REV3L: variants seen among roughly 807,000 people sequenced by gnomAD.
REV3L encodes DNA polymerase zeta catalytic subunit.
Under a neutral mutation model 299.4 loss-of-function variants are expected in REV3L, and 69 were observed. The ratio of observed to expected loss-of-function variants is 0.23; its 90% CI spans 0.19 to 0.28. REV3L has a LOEUF of 0.28. REV3L is among the 10% of genes least tolerant of loss of function. REV3L has a pLI of 1.00. For synonymous variants in REV3L, 1,238 were observed against 1,271.4 expected (o/e 0.97, Z 0.56); for missense variants, 3,128 against 3,693.8 (o/e 0.85, Z 3.97).
Position 111,376,664 on chromosome 6 carries a change from G to A in REV3L, c.1691C>T (p.Ala564Val). ...AGAAGATGAGGGTTCTAATGTAGCA[G>A]CATCTTTGTGAAAGATGGAGGGTTT... ...SVKPSIFHKD[A>V]ATLEPSSSAK... The change falls in exon 13 of 32, where the codon GCT becomes GTT. Residue 564 changes from alanine to valine, a missense_variant. Around this residue, in one of 9 missense-constraint regions of REV3L, gnomAD observed 2,409 missense variants for 2,611.8 expected, o/e 0.92. Coordinates refer to ENST00000368802, the MANE Select transcript of REV3L (RefSeq NM_001372078.1). 1 of 1,611,272 alleles carries A rather than the reference G, an allele frequency of 6.2e-7. No individual in the cohort carries two copies.
chr6:111,372,666 G>A lies in REV3L; in HGVS notation c.5689C>T (p.His1897Tyr). 6.4e-7 allele frequency: 1 copy of A among 1,574,602 alleles called. No homozygotes were observed. Among genetic ancestry groups the A allele is most frequent in the Non-Finnish European group, 8.6e-7 (1 of 1,162,152 alleles). The change falls in exon 13 of 32, where the codon CAT becomes TAT. Residue 1897 changes from histidine to tyrosine, a missense_variant. By Grantham distance (83) the His-to-Tyr change is moderately conservative. This residue lies in a region of REV3L where 2,409 missense variants were observed against 2,611.8 expected (regional missense o/e 0.92). Coordinates refer to ENST00000368802, the MANE Select transcript of REV3L (RefSeq NM_001372078.1). ...REEIMATLLD[H>Y]DLSETIYQEP... ...TGGTAAATAGTCTCAGACAGGTCATGATCCAACAAAGTTGCCATAATTTCT... is the reference window on the plus strand; with the variant it reads ...TGGTAAATAGTCTCAGACAGGTCATAATCCAACAAAGTTGCCATAATTTCT...
chr6:111,343,744 G>T (rs1776756888), intron 21 of REV3L, among the ~76,000 whole-genome samples, 181 bp downstream of exon 21: 1 of 152,142 alleles, frequency 6.6e-6, no homozygotes, highest in Non-Finnish European at 1.5e-5. Flanking sequence ...TGGCCAGGCT[G>T]GTCTCGAACT....
intron 4 of REV3L, among the ~76,000 whole-genome samples, chr6:111,402,142 A>T (rs1370067107): frequency 1.3e-5 from 2 of 152,034 alleles, no homozygotes; most frequent in Non-Finnish European, 2.9e-5. Flanking sequence ...AATAAAAATA[A>T]TATCCTCTAG....
intron 25 of REV3L, 29 bp from the exon 26 acceptor site, chr6:111,322,707 T>G (rs765366804): frequency 6.6e-7 from 1 of 1,516,910 alleles, no homozygotes; most frequent in Non-Finnish European, 9.2e-7. Context: ...TGGAAATAAT[T>G]TCTTAACATA....
At position 111,392,928 on chromosome 6, in the gene REV3L, C is replaced by T. The variant is rs1231437092; in HGVS notation, c.610G>A (p.Gly204Arg). The part of the protein sequence containing the change: ...ATGSCKNHLS[G>R]NSLADTLFRW... Reference sequence around the variant, plus strand: ...AATAAAGTATCAGCAAGAGAATTTCCTGATAAATGATTCTTGCAGGATCCA... The same window carrying T: ...AATAAAGTATCAGCAAGAGAATTTCTTGATAAATGATTCTTGCAGGATCCA... The change falls in exon 5 of 32, where the codon GGA becomes AGA. Residue 204 changes from glycine (G) to arginine (R), a missense_variant. Gly to Arg is a moderately radical substitution (Grantham distance 125, BLOSUM62 -2). Transcript: ENST00000368802. 6.2e-7 allele frequency: 1 copy of T among 1,612,234 alleles called. No individual in the cohort carries two copies. The highest frequency in any genetic ancestry group is 1.3e-5 in the African/African-American group (1 of 74,830).
In REV3L at chr6:111,375,711, G is replaced by T. The variant is rs748014293; in HGVS notation, c.2644C>A (p.Arg882Ser). 7 of 1,613,708 alleles carry T rather than the reference G, an allele frequency of 4.3e-6. No individual in the cohort carries two copies. The highest frequency in any genetic ancestry group is 4.2e-6 in the Non-Finnish European group (5 of 1,179,822). Reference protein sequence around the residue: ...ALASDLTKTTRGAFENKTPTD... With the variant: ...ALASDLTKTTSGAFENKTPTD... ...GGTGTTTTATTTTCAAAAGCTCCAC[G>T]AGTGGTTTTAGTTAAATCACTAGCC... Residue 882 changes from arginine to serine, a missense_variant, in exon 13 of 32, where the codon CGT becomes AGT. Coordinates refer to ENST00000368802, the MANE Select transcript of REV3L (RefSeq NM_001372078.1).
chr6:111,333,335 A>G lies in REV3L; in HGVS notation c.7713T>C (p.Ala2571=), dbSNP rs752378907. The G allele has an allele frequency of 1.8e-5, 29 of 1,614,174 alleles. No homozygotes were observed. In the Admixed American group the frequency reaches 4.3e-4, roughly 24 times the overall value. Residue 2571 remains alanine (A), a synonymous_variant, in exon 23 of 32, where the codon GCT becomes GCC. Coordinates refer to ENST00000368802, the MANE Select transcript of REV3L (RefSeq NM_001372078.1). ...YRVESMMLRI[A]KPMNYIPVTP... ...TCACAGGAATATAGTTCATTGGTTTAGCAATACGCAACATCATTGATTCCA... is the reference window on the plus strand; with the variant it reads ...TCACAGGAATATAGTTCATTGGTTTGGCAATACGCAACATCATTGATTCCA...
At chr6:111,479,420 A>C (rs2128345499) in intron 1 of REV3L, among the ~76,000 whole-genome samples, 1 of 152,222 alleles carries the variant, frequency 6.6e-6, no homozygotes, top group Non-Finnish European at 1.5e-5. Flanking sequence ...AAGAAACTTT[A>C]AGTGATTCCC....
chr6:111,445,693 A>G lies in REV3L; in HGVS notation c.140-29221T>C, dbSNP rs1038143472. 2.0e-5 allele frequency among the ~76,000 whole-genome samples: 3 copies of G among 152,326 alleles called. No homozygotes were observed. In the East Asian group the frequency reaches 5.8e-4, roughly 29 times the overall value. ...ATACTGCAAGACAGAGATGGAAACA[A>G]AATGCTTAGGGAGCCCCCCTAAAAA... On this transcript the variant is annotated intron_variant, in intron 1 of 31. Coordinates refer to ENST00000368802, the MANE Select transcript of REV3L (RefSeq NM_001372078.1).
chr6:111,347,360 G>A (rs963840558), intron 20 of REV3L, among the ~76,000 whole-genome samples: 1 of 151,716 alleles, frequency 6.6e-6, no homozygotes, highest in Non-Finnish European at 1.5e-5. Flanking sequence ...ATCCTGTGCT[G>A]TATCACTAGA....
intron 1 of REV3L, among the ~76,000 whole-genome samples, chr6:111,418,335 C>G (rs1784979104): frequency 6.6e-6 from 1 of 152,090 alleles, no homozygotes; most frequent in South Asian, 2.1e-4. Context: ...TTACAAGAAA[C>G]AATTACAAAA....
chr6:111,405,626 A>C lies in REV3L; in HGVS notation c.409T>G (p.Cys137Gly). 1.3e-6 allele frequency: 2 copies of C among 1,587,738 alleles called. No individual in the cohort carries two copies. The highest frequency in any genetic ancestry group is 1.4e-5 in the African/African-American group (1 of 73,532). The change falls in exon 4 of 32, where the codon TGT (cysteine) becomes GGT (glycine). Residue 137 changes from cysteine (C) to glycine (G), a missense_variant. Physicochemically the swap from Cys to Gly is radical, Grantham distance 159 (BLOSUM62 -3). Around this residue, in one of 9 missense-constraint regions of REV3L, gnomAD observed 2,409 missense variants for 2,611.8 expected, o/e 0.92. Transcript: ENST00000368802. Reference sequence around the variant, plus strand: ...ATGGCTCCGCTTTGCAAAAGTTCACATATCCTAAATTAGAAAAAAAAAGTT... The same window carrying C: ...ATGGCTCCGCTTTGCAAAAGTTCACCTATCCTAAATTAGAAAAAAAAAGTT... ...LYNPTMVKRI[C>G]ELLQSGAIMN...
chr6:111,372,661 G>C lies in REV3L; in HGVS notation c.5694C>G (p.Asp1898Glu). The C allele has an allele frequency of 6.4e-7, 1 of 1,571,928 alleles. No individual in the cohort carries two copies. The highest frequency in any genetic ancestry group is 8.6e-7 in the Non-Finnish European group (1 of 1,160,710). The part of the protein sequence containing the change: ...EEIMATLLDH[D>E]LSETIYQEPF... ...GTTCCTGGTAAATAGTCTCAGACAG[G>C]TCATGATCCAACAAAGTTGCCATAA... is the stretch of plus-strand genomic sequence containing the variant. Residue 1898 changes from aspartate (D) to glutamate (E), a missense_variant, in exon 13 of 32, where the codon GAC (aspartate) becomes GAG (glutamate). By Grantham distance (45) the Asp-to-Glu change is conservative. Transcript: ENST00000368802.
At chr6:111,410,596 T>G (rs754398223) in intron 3 of REV3L, among the ~76,000 whole-genome samples, 1 of 152,194 alleles carries the variant, frequency 6.6e-6, no homozygotes, top group African/African-American at 2.4e-5. Context: ...GAAGTTATTT[T>G]GGGTAAGATC....
chr6:111,332,196 C>T (rs1270598065), intron 23 of REV3L, among the ~76,000 whole-genome samples: 8 of 152,044 alleles, frequency 5.3e-5, no homozygotes, highest in Non-Finnish European at 8.8e-5. Context: ...CTCAGCCTCC[C>T]GAGTAGCTGG....
rs186249780 is a variant in REV3L, at chr6:111,446,060, A to G, written c.140-29588T>C. Among the ~76,000 whole-genome samples the G allele has an allele frequency of 3.5e-4, 53 of 152,318 alleles. No individual in the cohort carries two copies. The East Asian group carries it at 9.3e-3, about 27-fold the overall frequency. On this transcript the variant is annotated intron_variant, in intron 1 of 31. Coordinates refer to ENST00000368802, the MANE Select transcript of REV3L (RefSeq NM_001372078.1). ...GTTCATTTTCAGCTGTGGGGATTCA[A>G]ATGATTTTGTGCTGTACAGACATAC...
rs185342213 is a variant in REV3L, at chr6:111,475,284, T to A, written c.139+7466A>T. ...TCCCTACTGATATGTTTAGCATGTT[T>A]CCAATCTTTTGCAGTAACAAATAAT... On this transcript the variant is annotated intron_variant, in intron 1 of 31. Transcript: ENST00000368802. Among the ~76,000 whole-genome samples, 332 of 152,338 alleles carry A rather than the reference T, an allele frequency of 2.2e-3. 1 individual carries two copies. Among genetic ancestry groups the A allele is most frequent in the African/African-American group, 7.5e-3 (313 of 41,578 alleles).
chr6:111,423,717 T>G lies in REV3L; in HGVS notation c.140-7245A>C, dbSNP rs971835213. Among the ~76,000 whole-genome samples, 52 of 152,202 alleles carry G rather than the reference T, an allele frequency of 3.4e-4. 1 individual carries two copies. Among genetic ancestry groups the G allele is most frequent in the African/African-American group, 1.2e-3 (51 of 41,510 alleles). ...GGCTGCTGGAGGAATTCAGTCGAGA[T>G]GTCAGTAGAGGTGGAGAAAAGGTCA... On this transcript the variant is annotated intron_variant, in intron 1 of 31. Transcript: ENST00000368802.
At position 111,350,373 on chromosome 6, in the gene REV3L, T is replaced by A. The variant is rs151204522; in HGVS notation, c.7301-1037A>T. ...ATGTAACATATACTCTGGTGATTGT[T>A]TTAAGTTCTTCAAAATAACCCTATG... On this transcript the variant is annotated intron_variant, in intron 19 of 31. Coordinates refer to ENST00000368802, the MANE Select transcript of REV3L (RefSeq NM_001372078.1). Among the ~76,000 whole-genome samples, 78 of 152,262 alleles carry A rather than the reference T, an allele frequency of 5.1e-4. 2 individuals are homozygous for A. In the East Asian group the frequency reaches 0.015, roughly 29 times the overall value.
Sources: allele counts gnomAD v4.1 joint callset (sites outside exome capture counted in the v4.1 genomes callset), GRCh38; gene constraint gnomAD v4.1.1; regional missense constraint gnomAD v4.1.1; transcripts MANE v1.5; gene names NCBI Gene and HGNC (gene_info 2026-07-23, HGNC 2026-07-21).